The following LRRC1 variants were observed in gnomAD, a reference collection of about 807,000 sequenced individuals.
LRRC1 encodes the protein leucine rich repeat containing 1.
In LRRC1, 28 loss-of-function variants were observed where a neutral mutation model predicts 69.9. The observed-to-expected ratio is 0.40, with a 90% CI of 0.30 to 0.55. The LOEUF is 0.55. Among genes scored for constraint, LRRC1 ranks in the 20% least tolerant of loss-of-function variants. The probability of loss-of-function intolerance (pLI) is 0.47; values close to 1 mark genes in which losing one functional copy is unlikely to be tolerated. For synonymous variants in LRRC1, 236 were observed against 240.2 expected (o/e 0.98, Z 0.16); for missense variants, 498 against 609.0 (o/e 0.82, Z 1.92).
At chr6:53,811,400 A>C (rs910015074) in intron 1 of LRRC1, among the ~76,000 whole-genome samples, 5 of 152,216 alleles carry the variant, frequency 3.3e-5, no homozygotes, top group African/African-American at 1.2e-4. Context: ...CAACAGTAGC[A>C]CAGAAAGATA....
At position 53,879,115 on chromosome 6, in the gene LRRC1, CT is replaced by C. The variant is rs777828016; in HGVS notation, c.356+50del. 21 of 1,370,602 alleles carry C rather than the reference CT, an allele frequency of 1.5e-5. No individual in the cohort carries two copies. In the South Asian group the frequency reaches 1.6e-4, roughly 10 times the overall value. 84.9% of individuals were successfully genotyped at this position (1,370,602 alleles called of 1,614,324 possible). A position where few individuals can be genotyped will look rare whatever the true frequency, so the allele number is the denominator to read the frequency against. ...TTTCTGTCTATACTAGTAAGAGTAT[CT>C]TTTTTGAGAGCCAAGCGGAGAACAC... On this transcript the variant is annotated intron_variant, in intron 3 of 13. Coordinates refer to ENST00000370888, the MANE Select transcript of LRRC1 (RefSeq NM_018214.5).
intron 4 of LRRC1, among the ~76,000 whole-genome samples, chr6:53,894,416 A>C (rs1011581996): frequency 1.3e-5 from 2 of 152,262 alleles, no homozygotes; most frequent in Non-Finnish European, 2.9e-5. Flanking sequence ...AACACTCAGC[A>C]TGAGGCTGTG....
At chr6:53,822,581 TAGGCC>T (rs1765146307) in intron 1 of LRRC1, among the ~76,000 whole-genome samples, 2 of 152,212 alleles carry the variant, frequency 1.3e-5, no homozygotes, top group South Asian at 2.1e-4. Context: ...TGCTGGGCTT[TAGGCC>T]AGGCCCTGAT....
chr6:53,813,465 A>G (rs1347747980), intron 1 of LRRC1, among the ~76,000 whole-genome samples: 1 of 151,800 alleles, frequency 6.6e-6, no homozygotes, highest in Non-Finnish European at 1.5e-5. Context: ...TGCCCCCTCT[A>G]CAGAGGACAG....
At chr6:53,920,390 A>G (rs1459769201) in intron 12 of LRRC1, among the ~76,000 whole-genome samples, 1 of 152,216 alleles carries the variant, frequency 6.6e-6, no homozygotes, top group Non-Finnish European at 1.5e-5. Flanking sequence ...CTCAAATAGA[A>G]TTATACATCA....
At chr6:53,845,173 C>T (rs1247236633) in intron 2 of LRRC1, among the ~76,000 whole-genome samples, 1 of 152,200 alleles carries the variant, frequency 6.6e-6, no homozygotes, top group Admixed American at 6.5e-5. Flanking sequence ...CATTGCACTC[C>T]AGCCTAGGCG....
rs190466571 is a variant in LRRC1 at position 53,871,628 on chromosome 6, C to G, written c.278-7365C>G. On this transcript the variant is annotated intron_variant, in intron 2 of 13. Coordinates refer to ENST00000370888, the MANE Select transcript of LRRC1 (RefSeq NM_018214.5). ...GAGTCTTCCCTTTGTTGTGAAGAAGCTTTTAAGTTTGATAAAATCCCATCT... is the reference window on the plus strand; with the variant it reads ...GAGTCTTCCCTTTGTTGTGAAGAAGGTTTTAAGTTTGATAAAATCCCATCT... Among the ~76,000 whole-genome samples, 9 of 152,174 alleles carry G rather than the reference C, an allele frequency of 5.9e-5. No homozygotes were observed. In the East Asian group the frequency reaches 1.5e-3, roughly 26 times the overall value.
chr6:53,920,552 AGCC>A, intron 12 of LRRC1, 70 bp from the exon 13 acceptor site: 1 of 1,572,720 alleles, frequency 6.4e-7, no homozygotes, highest in Non-Finnish European at 8.7e-7. Context: ...CTACCTTGTC[AGCC>A]GCAAAGTTCA....
intron 1 of LRRC1, among the ~76,000 whole-genome samples, chr6:53,821,453 T>C (rs1000019817): frequency 1.3e-5 from 2 of 152,224 alleles, no homozygotes; most frequent in Admixed American, 1.3e-4. Flanking sequence ...TTGAAGGCCC[T>C]GAAAAGTATC....
At chr6:53,828,169 C>CAAAAAA (rs35639473) in intron 1 of LRRC1, among the ~76,000 whole-genome samples, 1 of 135,248 alleles carries the variant, frequency 7.4e-6, no homozygotes. Context: ...GTTCAAAGGC[C>CAAAAAA]AAAAAAAAAA....
chr6:53,889,344 T>A (rs1156860197), intron 4 of LRRC1, among the ~76,000 whole-genome samples: 1 of 152,072 alleles, frequency 6.6e-6, no homozygotes, highest in Non-Finnish European at 1.5e-5. Flanking sequence ...ACCTAGCAAT[T>A]CCATTCCTAG....
chr6:53,884,567 A>G (rs1767409830), intron 4 of LRRC1, among the ~76,000 whole-genome samples: 1 of 152,090 alleles, frequency 6.6e-6, no homozygotes, highest in Non-Finnish European at 1.5e-5. Flanking sequence ...CACCCAAACT[A>G]ACACTGTCCT....
Position 53,909,260 on chromosome 6 carries a change from G to C in LRRC1, c.991-4594G>C, listed in dbSNP as rs192725105. Among the ~76,000 whole-genome samples the C allele has an allele frequency of 1.7e-3, 264 of 151,942 alleles. 3 individuals carry two copies. The highest frequency in any genetic ancestry group is 1.2e-3 in the Non-Finnish European group (84 of 68,026). On this transcript the variant is annotated intron_variant, in intron 10 of 13. Coordinates refer to ENST00000370888, the MANE Select transcript of LRRC1 (RefSeq NM_018214.5). The stretch of plus-strand genomic sequence containing the variant: ...GGTAAACCATTTTCAATGTCCAACA[G>C]ATTGTGAAACTAAGACTGAGAGAGG...
intron 10 of LRRC1, among the ~76,000 whole-genome samples, chr6:53,912,657 G>A (rs1235261489): frequency 2.0e-5 from 3 of 152,164 alleles, no homozygotes; most frequent in Admixed American, 6.5e-5. Context: ...AAAAGATTAT[G>A]TATGAAAGTA....
chr6:53,921,811 G>A (rs547198264), intron 13 of LRRC1, among the ~76,000 whole-genome samples: 19 of 152,028 alleles, frequency 1.2e-4, no homozygotes, highest in Admixed American at 9.8e-4. Context: ...ATTTACAATC[G>A]TAAAGGGCAA....
chr6:53,802,683 T>C (rs904285876), intron 1 of LRRC1, among the ~76,000 whole-genome samples: 2 of 152,166 alleles, frequency 1.3e-5, no homozygotes, highest in African/African-American at 4.8e-5. Context: ...GCAGTGACCC[T>C]GGTAACCCTG....
intron 1 of LRRC1, among the ~76,000 whole-genome samples, chr6:53,817,536 C>T (rs149903401): frequency 1.6e-3 from 238 of 152,160 alleles, no homozygotes; most frequent in African/African-American, 5.5e-3. Context: ...CTAAAAAAAT[C>T]AAACTTATTT....
At position 53,861,686 on chromosome 6, in the gene LRRC1, T is replaced by C. The variant is rs141496425; in HGVS notation, c.278-17307T>C. ...TAGTTTATCTGGGCCAAAGGGCTTCTCCTGCCCTTCTGGAAAAGTGTGTTC... is the reference window on the plus strand; with the variant it reads ...TAGTTTATCTGGGCCAAAGGGCTTCCCCTGCCCTTCTGGAAAAGTGTGTTC... On this transcript the variant is annotated intron_variant, in intron 2 of 13. Coordinates refer to ENST00000370888, the MANE Select transcript of LRRC1 (RefSeq NM_018214.5). Among the ~76,000 whole-genome samples, 495 of 152,226 alleles carry C rather than the reference T, an allele frequency of 3.3e-3. 3 individuals are homozygous for C. The highest frequency in any genetic ancestry group is 0.011 in the African/African-American group (461 of 41,540).
intron 1 of LRRC1, among the ~76,000 whole-genome samples, chr6:53,818,158 A>T (rs1017595698): frequency 2.6e-5 from 4 of 152,192 alleles, no homozygotes; most frequent in Non-Finnish European, 5.9e-5. Context: ...GAAATAATCT[A>T]TATTAATGCT....
Sources: gnomAD v4.1 joint callset for allele counts (sites outside exome capture counted in the v4.1 genomes callset) on GRCh38, gnomAD v4.1.1 for gene constraint, MANE v1.5 for transcripts, NCBI Gene and HGNC (gene_info 2026-07-23, HGNC 2026-07-21) for gene names.